CECR2: variants seen among roughly 807,000 people sequenced by gnomAD.
The protein encoded by CECR2 is CECR2 histone acetyl-lysine reader.
Under a neutral mutation model 154.5 loss-of-function variants are expected in CECR2, and 30 were observed. The ratio of observed to expected loss-of-function variants is 0.19; its 90% CI spans 0.15 to 0.26. The LOEUF is 0.26. Ranked by LOEUF, CECR2 falls within the 10% of genes least tolerant of loss-of-function variation. The pLI is 1.00. For missense variants in CECR2, 1,743 were observed against 1,829.3 expected (o/e 0.95, Z 0.86); for synonymous variants, 725 against 683.7 (o/e 1.06, Z -0.94).
At chr22:17,483,030 CT>C (rs1236163036) in intron 2 of CECR2, among the ~76,000 whole-genome samples, 1 of 152,180 alleles carries the variant, frequency 6.6e-6, no homozygotes, top group African/African-American at 2.4e-5. Context: ...TCAGGCGGTC[CT>C]TCAGAAGAGA....
At chr22:17,510,888 A>C (rs910832343) in intron 7 of CECR2, among the ~76,000 whole-genome samples, 2 of 152,162 alleles carry the variant, frequency 1.3e-5, no homozygotes, top group African/African-American at 2.4e-5. Context: ...TACAGGCGTG[A>C]GCCACCCCAC....
In CECR2 at chr22:17,405,665, A is replaced by AT. The variant is rs2053972979; in HGVS notation, c.126+35756_126+35757insT. ...AAAAAAAAAAAAAAAAAAAAAAAAA[A>AT]ATTTTCAATTGTTTGCTAGTATTAG... On this transcript the variant is annotated intron_variant, in intron 1 of 18. Coordinates refer to ENST00000262608, the MANE Select transcript of CECR2 (RefSeq NM_001290047.2). Among the ~76,000 whole-genome samples the AT allele has an allele frequency of 2.2e-3, 132 of 60,018 alleles. 11 individuals are homozygous for AT. Among genetic ancestry groups the AT allele is most frequent in the Middle Eastern group, 0.015 (2 of 136 alleles). 39.4% of individuals were successfully genotyped at this position (60,018 alleles called of 152,430 possible).
intron 1 of CECR2, among the ~76,000 whole-genome samples, chr22:17,417,380 AG>A (rs762163569): frequency 1.2e-4 from 19 of 152,236 alleles, no homozygotes; most frequent in Non-Finnish European, 2.4e-4. Flanking sequence ...TAGGATGAAA[AG>A]TAAAATTGTG....
Position 17,464,751 on chromosome 22 carries a change from TCAGTCCCCCAA to T in CECR2, c.127-12836_127-12826del, listed in dbSNP as rs2054999258. On this transcript the variant is annotated intron_variant, in intron 1 of 18. Transcript: ENST00000262608. ...CCTCGACTCAAGCAGTCCTCCCACTTCAGTCCCCCAAAGCACTAGGATTACATCCATGAGCC... is the reference window on the plus strand; with the variant it reads ...CCTCGACTCAAGCAGTCCTCCCACTTAGCACTAGGATTACATCCATGAGCC... 2.6e-5 allele frequency among the ~76,000 whole-genome samples: 4 copies of T among 152,106 alleles called. No individual in the cohort carries two copies. In the South Asian group the frequency reaches 8.3e-4, roughly 32 times the overall value.
chr22:17,525,663 T>C (rs2056252595), intron 9 of CECR2, among the ~76,000 whole-genome samples: 1 of 152,258 alleles, frequency 6.6e-6, no homozygotes, highest in Non-Finnish European at 1.5e-5. Context: ...TGTCATACTA[T>C]GTAGTATATC....
chr22:17,500,605 C>A, intron 4 of CECR2, 26 bp from the exon 5 acceptor site: 1 of 1,456,054 alleles, frequency 6.9e-7, no homozygotes, highest in Non-Finnish European at 9.3e-7. Flanking sequence ...TGTGCCAGAA[C>A]ATTTCTATTT....
At chr22:17,528,364 G>A (rs2056299451) in intron 9 of CECR2, among the ~76,000 whole-genome samples, 1 of 152,054 alleles carries the variant, frequency 6.6e-6, no homozygotes, top group Non-Finnish European at 1.5e-5. Flanking sequence ...CAAAATAATT[G>A]AACCCGTGGA....
At chr22:17,482,673 C>G (rs757643648) in intron 2 of CECR2, among the ~76,000 whole-genome samples, 2 of 151,618 alleles carry the variant, frequency 1.3e-5, no homozygotes, top group South Asian at 2.1e-4. Context: ...AGCTGGGACT[C>G]CAGGCGTGCA....
chr22:17,410,256 G>A (rs1268763252), intron 1 of CECR2, among the ~76,000 whole-genome samples: 1 of 152,066 alleles, frequency 6.6e-6, no homozygotes, highest in Non-Finnish European at 1.5e-5. Context: ...TGGGATTACA[G>A]ACGTGAGCCA....
chr22:17,537,327 G>A (rs1410793149), intron 10 of CECR2, 95 bp downstream of exon 10: 2 of 1,434,620 alleles, frequency 1.4e-6, no homozygotes, highest in South Asian at 1.2e-5. Flanking sequence ...GAACAGCCCT[G>A]TTGGGTAACA....
intron 1 of CECR2, among the ~76,000 whole-genome samples, chr22:17,422,446 G>A (rs538466842): frequency 2.6e-5 from 4 of 152,198 alleles, no homozygotes; most frequent in African/African-American, 9.6e-5. Flanking sequence ...CAGGTGATCC[G>A]CCTGCCTCAG....
chr22:17,523,207 A>G (rs1017187334), intron 8 of CECR2, among the ~76,000 whole-genome samples: 2 of 151,642 alleles, frequency 1.3e-5, no homozygotes, highest in Non-Finnish European at 2.9e-5. Context: ...ACATGGCGAA[A>G]CCCCATCTCT....
At chr22:17,500,575 A>G (rs1476501568) in intron 4 of CECR2, 56 bp from the exon 5 acceptor site, 22 of 1,257,174 alleles carry the variant, frequency 1.7e-5, no homozygotes, top group Non-Finnish European at 2.3e-5. Context: ...TTTTAAAATC[A>G]TATGTAGCAA....
chr22:17,525,078 T>C (rs1310715522), intron 9 of CECR2, among the ~76,000 whole-genome samples: 1 of 141,004 alleles, frequency 7.1e-6, no homozygotes, highest in African/African-American at 2.6e-5. Context: ...GAGGTTGGGT[T>C]TTCGAGACCA....
At chr22:17,527,769 CA>C (rs3079565) in intron 9 of CECR2, among the ~76,000 whole-genome samples, 19,524 of 89,764 alleles carry the variant, frequency 0.22, 1,322 homozygotes, top group Non-Finnish European at 0.3. Context: ...GATTCTGTCT[CA>C]AAAAAAAAAA....
chr22:17,453,012 A>G (rs992200136), intron 1 of CECR2, among the ~76,000 whole-genome samples: 1 of 152,114 alleles, frequency 6.6e-6, no homozygotes, highest in Non-Finnish European at 1.5e-5. Flanking sequence ...AGACACACAA[A>G]TGTTTATCGG....
chr22:17,509,481 G>A (rs2055903360), intron 7 of CECR2, among the ~76,000 whole-genome samples: 1 of 150,774 alleles, frequency 6.6e-6, no homozygotes. Context: ...CCAGGCTGGA[G>A]TGCAGTAGCG....
At chr22:17,392,143 G>A (rs978003564) in intron 1 of CECR2, among the ~76,000 whole-genome samples, 23 of 152,254 alleles carry the variant, frequency 1.5e-4, no homozygotes, top group Admixed American at 1.4e-3. Flanking sequence ...AAAAATAAGC[G>A]TGGCTTGGTA....
intron 11 of CECR2, 36 bp downstream of exon 11, chr22:17,538,593 G>C (rs760484111): frequency 6.2e-7 from 1 of 1,613,578 alleles, no homozygotes; most frequent in Non-Finnish European, 8.5e-7. Context: ...GTTTGTGATA[G>C]AAGTTTTCCT....
Sources: allele counts gnomAD v4.1 joint callset (sites outside exome capture counted in the v4.1 genomes callset), GRCh38; gene constraint gnomAD v4.1.1; transcripts MANE v1.5; gene names NCBI Gene and HGNC (gene_info 2026-07-23, HGNC 2026-07-21).